MICU1: variants seen among roughly 807,000 people sequenced by gnomAD.
MICU1 encodes calcium uptake protein 1, mitochondrial.
In MICU1, 45 loss-of-function variants were observed where a neutral mutation model predicts 56.8. The ratio of observed to expected loss-of-function variants is 0.79; its 90% CI spans 0.62 to 1.02. The LOEUF is 1.02. Among genes scored for constraint, MICU1 ranks in the 50% least tolerant of loss-of-function variants. MICU1 has a pLI of 0.00. For missense variants in MICU1, 504 were observed against 587.1 expected, an observed-to-expected ratio of 0.86 and a Z score of 1.46; for synonymous variants, 186 against 195.1, an observed-to-expected ratio of 0.95 and a Z score of 0.39.
At chr10:72,566,523 G>C in intron 2 of MICU1, 110 bp downstream of exon 2, 1 of 1,128,458 alleles carries the variant, frequency 8.9e-7, no homozygotes, top group Non-Finnish European at 1.2e-6. Context: ...AATGATCCGA[G>C]CAAGAAATTC....
At chr10:72,415,176 C>T (rs1863945961) in intron 9 of MICU1, among the ~76,000 whole-genome samples, 3 of 151,962 alleles carry the variant, frequency 2.0e-5, no homozygotes, top group Admixed American at 6.6e-5. Context: ...TCACCATGGC[C>T]AGCTAATTTT....
At chr10:72,392,523 A>G (rs1863112297) in intron 10 of MICU1, among the ~76,000 whole-genome samples, 1 of 152,152 alleles carries the variant, frequency 6.6e-6, no homozygotes, top group East Asian at 1.9e-4. Context: ...GTGAGCCAAG[A>G]TTGTACCACT....
intron 8 of MICU1, among the ~76,000 whole-genome samples, chr10:72,437,940 A>G (rs1223800390): frequency 1.3e-5 from 2 of 152,180 alleles, no homozygotes; most frequent in Non-Finnish European, 1.5e-5. Flanking sequence ...CTCCCACACA[A>G]TAATAATGGG....
At chr10:72,422,396 T>C (rs1023336524) in intron 9 of MICU1, among the ~76,000 whole-genome samples, 7 of 152,248 alleles carry the variant, frequency 4.6e-5, no homozygotes, top group African/African-American at 1.7e-4. Flanking sequence ...GTCTGTGGTA[T>C]GTTGTTACAG....
chr10:72,479,047 T>C (rs938418634), intron 6 of MICU1, among the ~76,000 whole-genome samples: 1 of 152,234 alleles, frequency 6.6e-6, no homozygotes, highest in Admixed American at 6.5e-5. Flanking sequence ...AGTTACTATG[T>C]GGCAGGCATT....
chr10:72,411,368 C>T (rs1393442726), intron 9 of MICU1, among the ~76,000 whole-genome samples: 1 of 151,876 alleles, frequency 6.6e-6, no homozygotes, highest in African/African-American at 2.4e-5. Context: ...CGCTCTATCG[C>T]CCAGGCTGGA....
chr10:72,381,621 C>G (rs774859335), intron 10 of MICU1, among the ~76,000 whole-genome samples: 2 of 152,076 alleles, frequency 1.3e-5, no homozygotes, highest in Non-Finnish European at 2.9e-5. Flanking sequence ...CCGCTGACCC[C>G]CTGTGTACTC....
At chr10:72,508,411 G>A in intron 5 of MICU1, 142 bp from the exon 6 acceptor site, 1 of 425,648 alleles carries the variant, frequency 2.3e-6, no homozygotes, top group Non-Finnish European at 4.2e-6. Flanking sequence ...CAAAATCAAT[G>A]GATCCTTTAC....
At chr10:72,493,532 A>G (rs1232966556) in intron 6 of MICU1, among the ~76,000 whole-genome samples, 4 of 152,162 alleles carry the variant, frequency 2.6e-5, no homozygotes, top group Admixed American at 6.5e-5. Flanking sequence ...AGCTTATCAA[A>G]GCCTTGACCT....
chr10:72,528,528 G>A (rs1456954451), intron 5 of MICU1, among the ~76,000 whole-genome samples: 1 of 152,072 alleles, frequency 6.6e-6, no homozygotes, highest in African/African-American at 2.4e-5. Flanking sequence ...GGAAAGACAT[G>A]GCTAATTAAC....
intron 4 of MICU1, among the ~76,000 whole-genome samples, chr10:72,549,669 G>A (rs766010741): frequency 8.6e-5 from 13 of 152,012 alleles, no homozygotes; most frequent in Admixed American, 2.0e-4. Flanking sequence ...AGTGGGTCAC[G>A]CCTGTAATCT....
chr10:72,469,841 C>T (rs1443227426), intron 8 of MICU1, among the ~76,000 whole-genome samples: 1 of 152,170 alleles, frequency 6.6e-6, no homozygotes, highest in African/African-American at 2.4e-5. Flanking sequence ...CTCTCCTTGG[C>T]TTACAGATGA....
chr10:72,488,069 G>A (rs774230291), intron 6 of MICU1, among the ~76,000 whole-genome samples: 1 of 151,806 alleles, frequency 6.6e-6, no homozygotes, highest in African/African-American at 2.4e-5. Flanking sequence ...GGTGGCACAT[G>A]CCTGTAATCC....
chr10:72,374,403 G>A (rs1862446436), intron 11 of MICU1, among the ~76,000 whole-genome samples: 1 of 152,144 alleles, frequency 6.6e-6, no homozygotes, highest in African/African-American at 2.4e-5. Flanking sequence ...TGGGATTACA[G>A]GTATGAGCCA....
intron 6 of MICU1, among the ~76,000 whole-genome samples, chr10:72,481,435 T>C (rs1043391871): frequency 6.6e-6 from 1 of 152,146 alleles, no homozygotes; most frequent in Non-Finnish European, 1.5e-5. Flanking sequence ...TTTTTGAGAC[T>C]GAATCTTGCT....
intron 10 of MICU1, among the ~76,000 whole-genome samples, chr10:72,385,906 G>A (rs903741691): frequency 6.6e-5 from 10 of 152,202 alleles, no homozygotes; most frequent in Non-Finnish European, 1.3e-4. Context: ...GAGGGGCCTG[G>A]TGGCAAGGAG....
intron 1 of MICU1, among the ~76,000 whole-genome samples, chr10:72,607,265 C>G (rs543390324): frequency 1.3e-5 from 2 of 151,098 alleles, no homozygotes; most frequent in Non-Finnish European, 2.9e-5. Flanking sequence ...AGCTTGAACC[C>G]GGTAGGCGGA....
chr10:72,562,151 T>TTTTTC (rs1840314827), intron 3 of MICU1, among the ~76,000 whole-genome samples: 1 of 135,920 alleles, frequency 7.4e-6, no homozygotes, highest in Non-Finnish European at 1.6e-5. Flanking sequence ...TAAAATCTTT[T>TTTTTC]TTTTTTTTTT....
At chr10:72,429,374 C>A (rs539841968) in intron 8 of MICU1, among the ~76,000 whole-genome samples, 35 of 142,972 alleles carry the variant, frequency 2.4e-4, no homozygotes, top group Non-Finnish European at 3.0e-4. Context: ...GAGCCAAGAT[C>A]GTGCCACTGC....
Sources: allele counts gnomAD v4.1 joint callset (sites outside exome capture counted in the v4.1 genomes callset), GRCh38; gene constraint gnomAD v4.1.1; transcripts MANE v1.5; gene names NCBI Gene and HGNC (gene_info 2026-07-23, HGNC 2026-07-21).